CHN2: variants seen among roughly 807,000 people sequenced by gnomAD.
CHN2 encodes the protein beta-chimaerin.
In CHN2, 35 loss-of-function variants were observed where a neutral mutation model predicts 56.3. The observed-to-expected ratio is 0.62, with a 90% confidence interval of 0.47 to 0.82. CHN2 has a LOEUF of 0.82. Among genes scored for constraint, CHN2 ranks in the 40% least tolerant of loss-of-function variants. The pLI is 0.00. For missense variants in CHN2, 491 were observed against 580.5 expected, an observed-to-expected ratio of 0.85 and a Z score of 1.58; for synonymous variants, 210 against 212.8, an observed-to-expected ratio of 0.99 and a Z score of 0.12.
chr7:29,320,410 G>A (rs140150485), intron 1 of CHN2, among the ~76,000 whole-genome samples: 2 of 152,264 alleles, frequency 1.3e-5, no homozygotes, highest in East Asian at 3.9e-4. Flanking sequence ...AATAACAAGG[G>A]CATCCTTGCA....
chr7:29,264,059 C>G (rs1789873294), intron 1 of CHN2, among the ~76,000 whole-genome samples: 1 of 150,536 alleles, frequency 6.6e-6, no homozygotes, highest in African/African-American at 2.4e-5. Flanking sequence ...CCCCATCCGG[C>G]CGCCGCCCCG....
At chr7:29,400,445 A>T in intron 5 of CHN2, 98 bp from the exon 6 acceptor site, 1 of 1,203,098 alleles carries the variant, frequency 8.3e-7, no homozygotes, top group African/African-American at 1.5e-5. Flanking sequence ...TGTGCCTGGG[A>T]TACACTAAGT....
At position 29,349,553 on chromosome 7, in the gene CHN2, CT is replaced by C. The variant is rs571899218; in HGVS notation, c.50-5068del. Among the ~76,000 whole-genome samples the C allele has an allele frequency of 5.9e-5, 9 of 152,230 alleles. No individual in the cohort carries two copies. The South Asian group carries it at 1.7e-3, about 28-fold the overall frequency. On this transcript the variant is annotated intron_variant, in intron 1 of 12. Coordinates refer to ENST00000222792, the MANE Select transcript of CHN2 (RefSeq NM_004067.4). ...ATTTCACCACTCCCTTCTTTCTGTG[CT>C]TTTAGGTTTACTCTTACACACAGCA...
chr7:29,162,289 C>T (rs971930825), intron 2 of CHN2, among the ~76,000 whole-genome samples: 2 of 152,152 alleles, frequency 1.3e-5, no homozygotes, highest in Non-Finnish European at 2.9e-5. Flanking sequence ...GTTGAACACA[C>T]AACCATATAG....
chr7:29,514,181 T>C lies in CHN2; in HGVS notation c.*1446T>C, dbSNP rs979410852. Reference sequence around the variant, plus strand: ...TTATCCCTCCTCCCAACTGTACAGATTTGTTTGTTGTAGTTTATGTACTTC... The same window carrying C: ...TTATCCCTCCTCCCAACTGTACAGACTTGTTTGTTGTAGTTTATGTACTTC... On this transcript the variant is annotated 3_prime_UTR_variant, in exon 13 of 13. Transcript: ENST00000222792. The C allele has an allele frequency of 4.6e-5, 7 of 152,648 alleles. No individual in the cohort carries two copies. The highest frequency in any genetic ancestry group is 2.9e-5 in the Non-Finnish European group (2 of 68,040). 9.5% of individuals were successfully genotyped at this position (152,648 alleles called of 1,614,324 possible).
At chr7:29,158,452 A>G (rs1271748495) in intron 2 of CHN2, among the ~76,000 whole-genome samples, 5 of 152,134 alleles carry the variant, frequency 3.3e-5, no homozygotes, top group Admixed American at 6.6e-5. Context: ...GTGTGTGGGT[A>G]AGAGTGGGGA....
chr7:29,241,689 G>A (rs1787692921), intron 1 of CHN2, among the ~76,000 whole-genome samples: 1 of 152,058 alleles, frequency 6.6e-6, no homozygotes, highest in Non-Finnish European at 1.5e-5. Context: ...AGGAGGGGAG[G>A]GAGAGAGGGT....
chr7:29,380,598 G>A (rs1310659173), intron 3 of CHN2: 1 of 152,170 alleles, frequency 6.6e-6, no homozygotes, highest in African/African-American at 2.4e-5. Context: ...AACTAAGAAT[G>A]ATAGACACTT....
chr7:29,492,178 T>G (rs1291603221), intron 7 of CHN2, among the ~76,000 whole-genome samples: 1 of 152,230 alleles, frequency 6.6e-6, no homozygotes, highest in East Asian at 1.9e-4. Context: ...CAGAGCACTT[T>G]GATGAAATTA....
chr7:29,482,797 C>CTTTTCTTTTTTTTTTT (rs1787429870), intron 7 of CHN2, among the ~76,000 whole-genome samples: 2 of 64,206 alleles, frequency 3.1e-5, no homozygotes, highest in Non-Finnish European at 2.9e-5. Context: ...GCACTTTTTT[C>CTTTTCTTTTTTTTTTT]TTTTTTTTTT....
At chr7:29,207,670 T>G (rs1482176148) in intron 1 of CHN2, among the ~76,000 whole-genome samples, 3 of 152,112 alleles carry the variant, frequency 2.0e-5, no homozygotes, top group Non-Finnish European at 4.4e-5. Flanking sequence ...TGCTCCTGAG[T>G]ATTATTCGCA....
At chr7:29,504,337 C>A (rs577750459) in intron 9 of CHN2, among the ~76,000 whole-genome samples, 2 of 152,136 alleles carry the variant, frequency 1.3e-5, no homozygotes, top group Non-Finnish European at 2.9e-5. Context: ...TAAATATATA[C>A]ACCTACTGTG....
chr7:29,413,657 C>T (rs1290856252), intron 6 of CHN2, among the ~76,000 whole-genome samples: 1 of 152,178 alleles, frequency 6.6e-6, no homozygotes, highest in African/African-American at 2.4e-5. Flanking sequence ...CTTGGGAAAG[C>T]CAGGCGATTT....
chr7:29,473,779 T>G (rs7792461), intron 6 of CHN2, among the ~76,000 whole-genome samples: 91,997 of 151,672 alleles, frequency 0.61, 28,054 homozygotes, highest in African/African-American at 0.64. Context: ...GAATAGCTCT[T>G]TGATAAGAGG....
intron 1 of CHN2, among the ~76,000 whole-genome samples, chr7:29,253,421 G>A (rs1462177684): frequency 6.6e-6 from 1 of 152,160 alleles, no homozygotes; most frequent in Non-Finnish European, 1.5e-5. Context: ...TTATTGGACA[G>A]AACTGGGTCA....
chr7:29,400,827 AG>A lies in CHN2; in HGVS notation c.576+1del. ...CATGAAGAACACACAGCGGTGGAAA[AG>A]GTGAGCTGTGTGTGATGGAAGCAGC... is the stretch of plus-strand genomic sequence containing the variant. The part of the protein sequence containing the change: ...VTHEEHTAVE[K>X]ISSLVRRAAL... On this transcript the variant is annotated frameshift_variant and splice_region_variant, in exon 6 of 13. Coordinates refer to ENST00000222792, the MANE Select transcript of CHN2 (RefSeq NM_004067.4). LOFTEE classifies it high-confidence loss of function. The A allele has an allele frequency of 4.3e-6, 7 of 1,613,000 alleles. No homozygotes were observed. The highest frequency in any genetic ancestry group is 5.9e-6 in the Non-Finnish European group (7 of 1,179,538).
At chr7:29,328,886 GT>G (rs1796006386) in intron 1 of CHN2, among the ~76,000 whole-genome samples, 1 of 152,142 alleles carries the variant, frequency 6.6e-6, no homozygotes, top group African/African-American at 2.4e-5. Context: ...GAAAAGAAAA[GT>G]TTTGCAATAA....
intron 1 of CHN2, among the ~76,000 whole-genome samples, chr7:29,353,418 C>T (rs1392414979): frequency 6.6e-6 from 1 of 152,202 alleles, no homozygotes; most frequent in Admixed American, 6.5e-5. Flanking sequence ...CTTTGGGAGG[C>T]CAAGGTGGGT....
intron 3 of CHN2, among the ~76,000 whole-genome samples, chr7:29,392,177 A>T (rs1405482653): frequency 6.6e-6 from 1 of 152,184 alleles, no homozygotes; most frequent in Non-Finnish European, 1.5e-5. Context: ...CTCAACTTTC[A>T]TTGGCTTTTC....
Sources: gnomAD v4.1 joint callset for allele counts (sites outside exome capture counted in the v4.1 genomes callset) on GRCh38, gnomAD v4.1.1 for gene constraint, MANE v1.5 for transcripts, NCBI Gene and HGNC (gene_info 2026-07-23, HGNC 2026-07-21) for gene names.